The following TRAPPC11 variants were observed in gnomAD, a reference collection of about 807,000 sequenced individuals.
The protein encoded by TRAPPC11 is foie gras homolog.
Under a neutral mutation model 151.2 loss-of-function variants are expected in TRAPPC11, and 104 were observed. That is an observed-to-expected ratio of 0.69 (90% CI 0.59 to 0.81). The LOEUF (loss-of-function observed/expected upper bound fraction) is 0.81. TRAPPC11 is among the 30% of genes least tolerant of loss of function. TRAPPC11 has a pLI of 0.00. For synonymous variants in TRAPPC11, 456 were observed against 472.3 expected, an observed-to-expected ratio of 0.97 and a Z score of 0.45; for missense variants, 1,230 against 1,349.6, an observed-to-expected ratio of 0.91 and a Z score of 1.39.
rs1283647199 is a variant in TRAPPC11, at chr4:183,713,402, G to T, written c.*758G>T. Reference sequence around the variant, plus strand: ...GAGTCAGGCCTTCTGGTTATATTGTGCAGTTTCAAAAGAACTATTTAAAAC... The same window carrying T: ...GAGTCAGGCCTTCTGGTTATATTGTTCAGTTTCAAAAGAACTATTTAAAAC... On this transcript the variant is annotated 3_prime_UTR_variant, in exon 30 of 30. Coordinates refer to ENST00000334690, the MANE Select transcript of TRAPPC11 (RefSeq NM_021942.6). The T allele has an allele frequency of 6.6e-6, 1 of 152,570 alleles. No homozygotes were observed. The highest frequency in any genetic ancestry group is 1.5e-5 in the Non-Finnish European group (1 of 68,038). The allele number at this position is 152,570 out of a possible 1,614,324, so 9.5% of individuals were successfully genotyped here.
chr4:183,691,695 T>G (rs1005017936), intron 19 of TRAPPC11, among the ~76,000 whole-genome samples: 3 of 152,166 alleles, frequency 2.0e-5, no homozygotes, highest in Non-Finnish European at 4.4e-5. Flanking sequence ...GAATATACTG[T>G]ACATAATAAA....
Position 183,680,198 on chromosome 4 carries a change from C to T in TRAPPC11, c.1044C>T (p.Phe348=). The T allele has an allele frequency of 1.2e-6, 2 of 1,613,984 alleles. No individual in the cohort carries two copies. The highest frequency in any genetic ancestry group is 2.2e-5 in the South Asian group (2 of 91,076). ...LTAIQTQNPG[F]YYQQAAYYAQ... The stretch of plus-strand genomic sequence containing the variant: ...CTATTCAAACTCAGAATCCTGGTTT[C>T]TATTACCAGCAGGCAGCATACTATG... The change falls in exon 10 of 30, where the codon TTC becomes TTT. Residue 348 remains phenylalanine, a synonymous_variant. Coordinates refer to ENST00000334690, the MANE Select transcript of TRAPPC11 (RefSeq NM_021942.6).
At chr4:183,663,289 A>T (rs965147127) in intron 1 of TRAPPC11, among the ~76,000 whole-genome samples, 7 of 152,190 alleles carry the variant, frequency 4.6e-5, no homozygotes, top group Admixed American at 1.3e-4. Flanking sequence ...GCTAGAGTGC[A>T]GTGGCGCCAT....
At chr4:183,696,344 T>G (rs1475291699) in intron 23 of TRAPPC11, among the ~76,000 whole-genome samples, 6 of 152,194 alleles carry the variant, frequency 3.9e-5, no homozygotes, top group African/African-American at 1.4e-4. Flanking sequence ...ACCAAGAGGT[T>G]GTGTTATTTG....
intron 14 of TRAPPC11, 65 bp from the exon 15 acceptor site, chr4:183,684,631 C>T: frequency 1.3e-6 from 2 of 1,527,724 alleles, no homozygotes; most frequent in Admixed American, 2.0e-5. Context: ...GTATTTTTTT[C>T]TCCATGAACT....
At chr4:183,682,299 C>A (rs952507240) in intron 10 of TRAPPC11, among the ~76,000 whole-genome samples, 3 of 152,070 alleles carry the variant, frequency 2.0e-5, no homozygotes, top group Admixed American at 6.6e-5. Flanking sequence ...AGTTCTGGTG[C>A]CAAAAATATT....
Position 183,697,763 on chromosome 4 carries a change from A to C in TRAPPC11, c.2779A>C (p.Ile927Leu). 6.2e-7 allele frequency: 1 copy of C among 1,613,936 alleles called. No homozygotes were observed. Among genetic ancestry groups the C allele is most frequent in the Non-Finnish European group, 8.5e-7 (1 of 1,180,014 alleles). ...LLSASPWALT[I>L]VSSELQLAPS... ...AAGTGCCTCACCCTGGGCCCTCACTATTGTTTCCAGTGAGCTCCAGCTTGC... is the reference window on the plus strand; with the variant it reads ...AAGTGCCTCACCCTGGGCCCTCACTCTTGTTTCCAGTGAGCTCCAGCTTGC... The change falls in exon 25 of 30, where the codon ATT becomes CTT. Residue 927 changes from isoleucine to leucine, a missense_variant. Coordinates refer to ENST00000334690, the MANE Select transcript of TRAPPC11 (RefSeq NM_021942.6).
At chr4:183,690,762 G>A (rs747897010) in intron 18 of TRAPPC11, among the ~76,000 whole-genome samples, 2 of 152,148 alleles carry the variant, frequency 1.3e-5, no homozygotes, top group Non-Finnish European at 2.9e-5. Flanking sequence ...AGCCCAGGAA[G>A]TTTGAAACCA....
intron 3 of TRAPPC11, 107 bp downstream of exon 3, chr4:183,666,533 G>A (rs1734893866): frequency 7.0e-6 from 8 of 1,136,226 alleles, no homozygotes; most frequent in Non-Finnish European, 9.9e-6. Flanking sequence ...TGGTCACTTT[G>A]CGGATTGACC....
chr4:183,693,485 C>T, intron 20 of TRAPPC11, 104 bp from the exon 21 acceptor site: 6 of 1,274,240 alleles, frequency 4.7e-6, no homozygotes, highest in Non-Finnish European at 6.4e-6. Context: ...GGATTACAGG[C>T]CTGAGCCTCT....
chr4:183,671,699 T>C (rs1460797989), intron 5 of TRAPPC11, among the ~76,000 whole-genome samples: 1 of 152,226 alleles, frequency 6.6e-6, no homozygotes, highest in Non-Finnish European at 1.5e-5. Context: ...CCGGTAGCTC[T>C]CTTTCCTGGA....
At chr4:183,693,841 T>A (rs746626970) in intron 21 of TRAPPC11, 76 bp from the exon 22 acceptor site, 2 of 1,597,284 alleles carry the variant, frequency 1.3e-6, no homozygotes, top group African/African-American at 2.7e-5. Flanking sequence ...TATGGCATAG[T>A]GCTCTTCACA....
At chr4:183,682,108 C>T (rs1735728462) in intron 10 of TRAPPC11, among the ~76,000 whole-genome samples, 1 of 152,168 alleles carries the variant, frequency 6.6e-6, no homozygotes. Context: ...TAATCATTAA[C>T]AAATTTGTGC....
At chr4:183,679,620 A>G in intron 9 of TRAPPC11, 134 bp downstream of exon 9, 2 of 635,940 alleles carry the variant, frequency 3.1e-6, no homozygotes, top group South Asian at 2.3e-5. Context: ...TAGCATAAGT[A>G]TGTTTCTGGT....
chr4:183,686,589 A>ATAACACAGCCCTTTTG (rs757436971), intron 17 of TRAPPC11, 29 bp from the exon 18 acceptor site: 2 of 1,611,602 alleles, frequency 1.2e-6, no homozygotes, highest in Admixed American at 3.4e-5. Context: ...CTGGTTGTGC[A>ATAACACAGCCCTTTTG]TAACACAGCC....
At chr4:183,671,232 G>A (rs72691596) in intron 5 of TRAPPC11, among the ~76,000 whole-genome samples, 24,917 of 152,108 alleles carry the variant, frequency 0.16, 2,262 homozygotes, top group African/African-American at 0.24. Context: ...CTTGAACTCC[G>A]TTGTTAAAAA....
At chr4:183,667,012 A>AT in intron 3 of TRAPPC11, 48 bp from the exon 4 acceptor site, 1 of 1,495,056 alleles carries the variant, frequency 6.7e-7, no homozygotes, top group Non-Finnish European at 9.2e-7. Context: ...TCATGAATAC[A>AT]TTTTTTAAGT....
rs1737388799 is a variant in TRAPPC11, at chr4:183,712,621, G to T, written c.3379G>T (p.Asp1127Tyr). The T allele has an allele frequency of 6.2e-7, 1 of 1,614,150 alleles. No individual in the cohort carries two copies. The highest frequency in any genetic ancestry group is 8.5e-7 in the Non-Finnish European group (1 of 1,180,024). ...AAAGCCACAGGGTCGACTCATGGAT[G>T]ATACCTCTATTGCTGCTGCATGATG... ...FVKPQGRLMDDTSIAAA is the reference protein window; with the variant it reads ...FVKPQGRLMDYTSIAAA Residue 1127 changes from aspartate (D) to tyrosine (Y), a missense_variant, in exon 30 of 30, where the codon GAT becomes TAT. Coordinates refer to ENST00000334690, the MANE Select transcript of TRAPPC11 (RefSeq NM_021942.6).
intron 3 of TRAPPC11, 46 bp from the exon 4 acceptor site, chr4:183,667,014 T>A: frequency 6.7e-7 from 1 of 1,502,916 alleles, no homozygotes; most frequent in Non-Finnish European, 9.1e-7. Context: ...ATGAATACAT[T>A]TTTTAAGTTA....
Sources: allele counts gnomAD v4.1 joint callset (sites outside exome capture counted in the v4.1 genomes callset), GRCh38; gene constraint gnomAD v4.1.1; transcripts MANE v1.5; gene names NCBI Gene and HGNC (gene_info 2026-07-23, HGNC 2026-07-21).